SGCZ: variants seen among roughly 807,000 people sequenced by gnomAD.
The protein encoded by SGCZ is zeta-sarcoglycan.
Under a neutral mutation model 41.3 loss-of-function variants are expected in SGCZ, and 40 were observed. The observed-to-expected ratio is 0.97, with a 90% CI of 0.75 to 1.26. The LOEUF (loss-of-function observed/expected upper bound fraction) is 1.26, where lower values mean the gene tolerates loss of function less well. SGCZ is among the 50% of genes most tolerant of loss of function. The probability of loss-of-function intolerance (pLI) is 0.00; values close to 1 mark genes in which losing one functional copy is unlikely to be tolerated. For missense variants in SGCZ, 552 were observed against 369.8 expected (o/e 1.49, Z -4.04); for synonymous variants, 206 against 137.5 (o/e 1.50, Z -3.49).
intron 2 of SGCZ, among the ~76,000 whole-genome samples, chr8:14,403,894 T>C (rs1352590109): frequency 6.6e-6 from 1 of 152,122 alleles, no homozygotes; most frequent in South Asian, 2.1e-4. Flanking sequence ...TAATCAGTCA[T>C]AGACAAGAAA....
chr8:14,106,358 C>T (rs1802202949), intron 6 of SGCZ, among the ~76,000 whole-genome samples: 1 of 152,178 alleles, frequency 6.6e-6, no homozygotes. Context: ...GCTGTTTACA[C>T]ACACTCCTCA....
intron 2 of SGCZ, among the ~76,000 whole-genome samples, chr8:14,476,645 T>A (rs933808507): frequency 6.6e-6 from 1 of 152,190 alleles, no homozygotes; most frequent in Non-Finnish European, 1.5e-5. Flanking sequence ...GAGCAATTTC[T>A]ATGTTTCAAA....
chr8:14,199,133 T>C (rs993941282), intron 4 of SGCZ, among the ~76,000 whole-genome samples: 1 of 152,200 alleles, frequency 6.6e-6, no homozygotes, highest in Non-Finnish European at 1.5e-5. Flanking sequence ...TTTCTCTTCT[T>C]TCAAAAGCAA....
chr8:14,291,110 TAA>T (rs1381386272), intron 3 of SGCZ, among the ~76,000 whole-genome samples: 5 of 152,058 alleles, frequency 3.3e-5, no homozygotes, highest in Non-Finnish European at 7.4e-5. Flanking sequence ...GTGTGGAATC[TAA>T]AAAGTTTTTA....
intron 1 of SGCZ, among the ~76,000 whole-genome samples, chr8:14,596,389 C>T (rs1805414719): frequency 6.6e-6 from 1 of 151,990 alleles, no homozygotes; most frequent in Non-Finnish European, 1.5e-5. Context: ...TGATGAACGA[C>T]AATTTATCAC....
chr8:14,284,312 G>A (rs34354815), intron 3 of SGCZ, among the ~76,000 whole-genome samples: 44 of 152,272 alleles, frequency 2.9e-4, no homozygotes, highest in Non-Finnish European at 5.3e-4. Context: ...AGGATGGCTT[G>A]AGTCCAGGAG....
intron 2 of SGCZ, among the ~76,000 whole-genome samples, chr8:14,480,057 T>G (rs1162333370): frequency 6.6e-6 from 1 of 152,208 alleles, no homozygotes; most frequent in African/African-American, 2.4e-5. Context: ...CATTTCTCCT[T>G]TATAGCTGTT....
intron 1 of SGCZ, among the ~76,000 whole-genome samples, chr8:14,646,473 A>C (rs1272840842): frequency 1.3e-5 from 2 of 151,844 alleles, no homozygotes; most frequent in African/African-American, 4.8e-5. Flanking sequence ...TTAGGCACTT[A>C]GGTTGAGTCC....
chr8:14,441,289 C>G (rs1363437879), intron 2 of SGCZ, among the ~76,000 whole-genome samples: 1 of 152,134 alleles, frequency 6.6e-6, no homozygotes, highest in Non-Finnish European at 1.5e-5. Context: ...TTAAAACAAT[C>G]ATTTTGGCCG....
At chr8:14,548,262 A>G (rs1014921530) in intron 2 of SGCZ, among the ~76,000 whole-genome samples, 31 of 152,246 alleles carry the variant, frequency 2.0e-4, no homozygotes, top group Middle Eastern at 3.4e-3. Context: ...CATACTTTGA[A>G]CCACTGCTGA....
chr8:15,207,310 A>T (rs1801098983), intron 1 of SGCZ, among the ~76,000 whole-genome samples: 1 of 152,222 alleles, frequency 6.6e-6, no homozygotes, highest in Admixed American at 6.5e-5. Context: ...ATTTTCTGGG[A>T]TGAAGGCTGA....
At chr8:14,766,727 A>ATTTTTTTTTTTTTTTTT (rs33955290) in intron 1 of SGCZ, among the ~76,000 whole-genome samples, 1 of 92,804 alleles carries the variant, frequency 1.1e-5, no homozygotes, top group African/African-American at 4.5e-5. Flanking sequence ...ATGTCCAGCT[A>ATTTTTTTTTTTTTTTTT]TTTTTTTTTT....
intron 2 of SGCZ, among the ~76,000 whole-genome samples, chr8:14,500,620 G>C (rs1802124511): frequency 6.6e-6 from 1 of 151,934 alleles, no homozygotes; most frequent in Non-Finnish European, 1.5e-5. Context: ...CGAAAGATAG[G>C]ATTTAATTTT....
At chr8:15,172,165 T>TTTG (rs1339622384) in intron 1 of SGCZ, among the ~76,000 whole-genome samples, 1 of 58,802 alleles carries the variant, frequency 1.7e-5, no homozygotes, top group East Asian at 3.2e-4. Context: ...TTTTTTTTTT[T>TTTG]TTTTTTTTTT....
At chr8:14,139,388 A>C (rs1803298107) in intron 5 of SGCZ, among the ~76,000 whole-genome samples, 2 of 152,148 alleles carry the variant, frequency 1.3e-5, no homozygotes, top group Non-Finnish European at 2.9e-5. Context: ...CCCTTCAAAA[A>C]ATCAATGAAT....
intron 1 of SGCZ, among the ~76,000 whole-genome samples, chr8:14,927,010 G>C (rs1156552344): frequency 6.6e-6 from 1 of 151,456 alleles, no homozygotes; most frequent in Non-Finnish European, 1.5e-5. Context: ...ACATTCCTAT[G>C]GACACAGTAT....
intron 2 of SGCZ, among the ~76,000 whole-genome samples, chr8:14,481,933 G>A (rs1477163081): frequency 6.6e-6 from 1 of 152,114 alleles, no homozygotes; most frequent in Non-Finnish European, 1.5e-5. Flanking sequence ...AACAACGTAA[G>A]ATCTACAATA....
intron 2 of SGCZ, among the ~76,000 whole-genome samples, chr8:14,481,343 T>C (rs1801529854): frequency 6.6e-6 from 1 of 152,126 alleles, no homozygotes; most frequent in Non-Finnish European, 1.5e-5. Context: ...GACTTATAAG[T>C]AATGAGATGG....
intron 3 of SGCZ, among the ~76,000 whole-genome samples, chr8:14,264,165 G>A (rs923584579): frequency 6.6e-6 from 1 of 152,202 alleles, no homozygotes; most frequent in Non-Finnish European, 1.5e-5. Context: ...AGTGACCATG[G>A]ACTTCAAATA....
Sources: allele counts gnomAD v4.1 joint callset (sites outside exome capture counted in the v4.1 genomes callset), GRCh38; gene constraint gnomAD v4.1.1; transcripts MANE v1.5; gene names NCBI Gene and HGNC (gene_info 2026-07-23, HGNC 2026-07-21).